The following MAGI2 variants were observed in gnomAD, a reference collection of about 807,000 sequenced individuals.
MAGI2 encodes the protein membrane associated guanylate kinase, WW and PDZ domain containing 2.
MAGI2 carries 35 observed loss-of-function variants against 133.3 expected under a neutral mutation model. That is an observed-to-expected ratio of 0.26 (90% CI 0.20 to 0.35). The LOEUF is 0.35. MAGI2 is among the 10% of genes least tolerant of loss of function. The pLI, the probability that MAGI2 is intolerant of heterozygous loss-of-function variation, is 1.00. For synonymous variants in MAGI2, 729 were observed against 710.6 expected (o/e 1.03, Z -0.41); for missense variants, 1,636 against 1,863.4 (o/e 0.88, Z 2.25).
At chr7:79,273,721 C>T (rs994412474) in intron 1 of MAGI2, among the ~76,000 whole-genome samples, 10 of 151,756 alleles carry the variant, frequency 6.6e-5, no homozygotes, top group African/African-American at 2.4e-4. Flanking sequence ...CAGTATGGCT[C>T]ACTTTATCTC....
rs940857891 is a variant in MAGI2 at position 78,569,590 on chromosome 7, A to G, written c.539-47945T>C. Among the ~76,000 whole-genome samples the G allele has an allele frequency of 3.9e-4, 59 of 152,356 alleles. 1 individual carries two copies. Among genetic ancestry groups the G allele is most frequent in the African/African-American group, 1.4e-3 (58 of 41,582 alleles). On this transcript the variant is annotated intron_variant, in intron 3 of 21. Coordinates refer to ENST00000354212, the MANE Select transcript of MAGI2 (RefSeq NM_012301.4). ...AATTTTCTGGCAAAAAGGAAAGAAA[A>G]AAAAGTAAAACATTAAATCATTCCA...
chr7:78,719,414 C>G (rs1254249311), intron 2 of MAGI2, among the ~76,000 whole-genome samples: 1 of 151,970 alleles, frequency 6.6e-6, no homozygotes, highest in African/African-American at 2.4e-5. Context: ...ATAACCTAAG[C>G]ATTGTGTTGG....
At chr7:79,401,167 T>C (rs1321461778) in intron 1 of MAGI2, among the ~76,000 whole-genome samples, 1 of 152,156 alleles carries the variant, frequency 6.6e-6, no homozygotes, top group South Asian at 2.1e-4. Context: ...TACAAATGTT[T>C]AAAACTTACA....
chr7:79,362,810 A>T (rs1389708871), intron 1 of MAGI2, among the ~76,000 whole-genome samples: 1 of 152,066 alleles, frequency 6.6e-6, no homozygotes, highest in Non-Finnish European at 1.5e-5. Context: ...TGACTTGCTT[A>T]AACACAGATA....
At chr7:79,065,628 G>A (rs758312916) in intron 1 of MAGI2, among the ~76,000 whole-genome samples, 7 of 151,912 alleles carry the variant, frequency 4.6e-5, no homozygotes, top group Non-Finnish European at 2.9e-5. Flanking sequence ...TTGCTACATA[G>A]GCATACATGT....
intron 3 of MAGI2, among the ~76,000 whole-genome samples, chr7:78,593,590 C>T (rs924146874): frequency 3.2e-4 from 48 of 152,116 alleles, no homozygotes; most frequent in Non-Finnish European, 4.1e-4. Flanking sequence ...AGGAAGCATC[C>T]ACACTGTGCA....
chr7:78,882,215 AT>A (rs1795935331), intron 2 of MAGI2, among the ~76,000 whole-genome samples: 1 of 151,550 alleles, frequency 6.6e-6, no homozygotes, highest in South Asian at 2.1e-4. Flanking sequence ...AAAATAAAAA[AT>A]CTCAAGGACT....
At chr7:78,330,037 C>A (rs2151147086) in intron 9 of MAGI2, among the ~76,000 whole-genome samples, 1 of 152,266 alleles carries the variant, frequency 6.6e-6, no homozygotes, top group Middle Eastern at 3.4e-3. Context: ...CCTAAGAGTT[C>A]ATAAGATCTT....
intron 20 of MAGI2, among the ~76,000 whole-genome samples, chr7:78,109,873 A>G (rs1269699897): frequency 6.6e-6 from 1 of 152,180 alleles, no homozygotes; most frequent in African/African-American, 2.4e-5. Flanking sequence ...TGGCAATGGA[A>G]TGAAATGAAA....
intron 1 of MAGI2, among the ~76,000 whole-genome samples, chr7:79,437,255 C>A (rs1056764036): frequency 5.3e-5 from 8 of 152,056 alleles, no homozygotes; most frequent in Non-Finnish European, 5.9e-5. Flanking sequence ...ATGTAACTAT[C>A]TGAGTGATGG....
intron 6 of MAGI2, among the ~76,000 whole-genome samples, chr7:78,442,610 G>A (rs976186240): frequency 2.0e-5 from 3 of 152,114 alleles, no homozygotes; most frequent in Non-Finnish European, 4.4e-5. Flanking sequence ...TAGGAAGTTT[G>A]GCAAATATGA....
At chr7:78,418,325 G>T (rs1798484830) in intron 6 of MAGI2, among the ~76,000 whole-genome samples, 1 of 152,092 alleles carries the variant, frequency 6.6e-6, no homozygotes, top group Non-Finnish European at 1.5e-5. Flanking sequence ...ATAAGGCTGT[G>T]TTAACATTTT....
intron 1 of MAGI2, among the ~76,000 whole-genome samples, chr7:79,236,193 A>G (rs375464490): frequency 6.6e-6 from 1 of 152,378 alleles, no homozygotes; most frequent in African/African-American, 2.4e-5. Flanking sequence ...GCCAGTAGCC[A>G]TAATCTTAAA....
chr7:79,350,494 C>T (rs544300418), intron 1 of MAGI2, among the ~76,000 whole-genome samples: 3 of 152,070 alleles, frequency 2.0e-5, no homozygotes, highest in Non-Finnish European at 2.9e-5. Flanking sequence ...ATAATAAGGA[C>T]CTTGCCTAAT....
chr7:78,649,335 T>C lies in MAGI2; in HGVS notation c.419-22096A>G, dbSNP rs535874208. Among the ~76,000 whole-genome samples the C allele has an allele frequency of 2.0e-5, 3 of 151,680 alleles. No homozygotes were observed. In the South Asian group the frequency reaches 6.2e-4, roughly 32 times the overall value. ...AGAACTTGAACATGAAAATGAGTAT[T>C]TACATGTTAGGAGACTATACACTAA... On this transcript the variant is annotated intron_variant, in intron 2 of 21. Transcript: ENST00000354212.
chr7:78,504,920 G>A (rs1467295786), intron 4 of MAGI2, among the ~76,000 whole-genome samples: 2 of 152,020 alleles, frequency 1.3e-5, no homozygotes, highest in African/African-American at 4.8e-5. Context: ...GCAGAGAAAT[G>A]TATAGTATTA....
At chr7:78,673,123 A>G (rs1280796929) in intron 2 of MAGI2, among the ~76,000 whole-genome samples, 1 of 152,130 alleles carries the variant, frequency 6.6e-6, no homozygotes, top group Non-Finnish European at 1.5e-5. Flanking sequence ...TAAAATTCAC[A>G]TGTTGTATGT....
intron 3 of MAGI2, among the ~76,000 whole-genome samples, chr7:78,569,923 C>A (rs1192521279): frequency 6.6e-6 from 1 of 152,122 alleles, no homozygotes; most frequent in East Asian, 1.9e-4. Flanking sequence ...AATGTTTTTG[C>A]TCAGCAATTT....
intron 2 of MAGI2, among the ~76,000 whole-genome samples, chr7:78,959,507 G>GTGTTT (rs1802671186): frequency 6.6e-6 from 1 of 151,342 alleles, no homozygotes; most frequent in Non-Finnish European, 1.5e-5. Context: ...AAGAGAATGA[G>GTGTTT]ACACTACCTG....
Sources: allele counts gnomAD v4.1 joint callset (sites outside exome capture counted in the v4.1 genomes callset), GRCh38; gene constraint gnomAD v4.1.1; transcripts MANE v1.5; gene names NCBI Gene and HGNC (gene_info 2026-07-23, HGNC 2026-07-21).